SPTLC3: variants seen among roughly 807,000 people sequenced by gnomAD.
SPTLC3 encodes serine palmitoyltransferase long chain base subunit 3.
A neutral mutation model predicts 59.3 loss-of-function variants in SPTLC3; 36 were observed. The ratio of observed to expected loss-of-function variants is 0.61; its 90% CI spans 0.47 to 0.80. The LOEUF (loss-of-function observed/expected upper bound fraction) is 0.80. Among genes scored for constraint, SPTLC3 ranks in the 30% least tolerant of loss-of-function variants. The pLI, the probability that SPTLC3 is intolerant of heterozygous loss-of-function variation, is 0.00. For missense variants in SPTLC3, 625 were observed against 685.1 expected (o/e 0.91, Z 0.98); for synonymous variants, 257 against 240.8 (o/e 1.07, Z -0.62).
At chr20:13,033,652 A>ACAC (rs1986601919) in intron 1 of SPTLC3, among the ~76,000 whole-genome samples, 1 of 152,202 alleles carries the variant, frequency 6.6e-6, no homozygotes, top group Non-Finnish European at 1.5e-5. Context: ...ACACCAGACA[A>ACAC]TAGTGTTGAA....
In SPTLC3 at chr20:13,072,405, G is replaced by A. The variant is rs752900436; in HGVS notation, c.453G>A (p.Thr151=). 3.3e-5 allele frequency: 52 copies of A among 1,582,690 alleles called. No homozygotes were observed. The Admixed American group carries it at 5.9e-4, about 18-fold the overall frequency. The stretch of plus-strand genomic sequence containing the variant: ...GGGTATCAGACGACTATAACTGGAC[G>A]TTTAGGTGAGAGAACTTCTTGGAGG... ...MERVSDDYNW[T]FRFTGRVIKD... The change falls in exon 3 of 12, where the codon ACG becomes ACA. Residue 151 remains threonine (T), a synonymous_variant. Transcript: ENST00000399002.
intron 2 of SPTLC3, among the ~76,000 whole-genome samples, chr20:13,065,410 T>C (rs909525591): frequency 6.6e-6 from 1 of 151,850 alleles, no homozygotes; most frequent in Non-Finnish European, 1.5e-5. Flanking sequence ...TTTATGTACC[T>C]TTTTTCCTTC....
rs1307823077 is a variant in SPTLC3, at chr20:13,167,480, C to A, written c.*2613C>A. On this transcript the variant is annotated 3_prime_UTR_variant, in exon 12 of 12. Transcript: ENST00000399002. The stretch of plus-strand genomic sequence containing the variant: ...ACATGCACACACACATACACATATG[C>A]ATTTTTCCTTTACGGAGTAAGCAAC... The A allele has an allele frequency of 6.6e-6, 1 of 152,156 alleles. No individual in the cohort carries two copies. The highest frequency in any genetic ancestry group is 1.9e-4 in the East Asian group (1 of 5,196). 9.4% of individuals were successfully genotyped at this position (152,156 alleles called of 1,614,324 possible).
intron 6 of SPTLC3, among the ~76,000 whole-genome samples, chr20:13,101,822 G>C (rs933663929): frequency 6.6e-6 from 1 of 152,144 alleles, no homozygotes; most frequent in African/African-American, 2.4e-5. Context: ...AAGCTCCTGG[G>C]TGCCGCTGCT....
chr20:13,022,711 G>A (rs1985950613), intron 1 of SPTLC3, among the ~76,000 whole-genome samples: 1 of 152,146 alleles, frequency 6.6e-6, no homozygotes. Context: ...GGGAAGAGTA[G>A]CAAAGAATTC....
At chr20:13,160,667 C>A (rs189071254) in intron 11 of SPTLC3, among the ~76,000 whole-genome samples, 12 of 152,288 alleles carry the variant, frequency 7.9e-5, no homozygotes, top group Admixed American at 5.2e-4. Flanking sequence ...GCCATCTACT[C>A]AGTTTGGAGT....
At chr20:13,062,966 G>T (rs1460766508) in intron 2 of SPTLC3, among the ~76,000 whole-genome samples, 2 of 152,094 alleles carry the variant, frequency 1.3e-5, no homozygotes, top group African/African-American at 2.4e-5. Context: ...TGAGTCCAAG[G>T]CATGCACATT....
At chr20:13,038,556 T>C (rs1340921303) in intron 1 of SPTLC3, among the ~76,000 whole-genome samples, 1 of 152,188 alleles carries the variant, frequency 6.6e-6, no homozygotes, top group Admixed American at 6.5e-5. Context: ...GTAATTTTGC[T>C]GGTTTCTCTT....
intron 2 of SPTLC3, among the ~76,000 whole-genome samples, chr20:13,066,325 T>C (rs540333983): frequency 7.3e-4 from 111 of 152,348 alleles, no homozygotes; most frequent in African/African-American, 2.5e-3. Context: ...AAGGGTCTCC[T>C]TTCCCCATTG....
At chr20:13,059,162 T>C (rs6514361) in intron 2 of SPTLC3, among the ~76,000 whole-genome samples, 53,379 of 152,032 alleles carry the variant, frequency 0.35, 10,221 homozygotes, top group African/African-American at 0.52. Flanking sequence ...CCCTTTAATC[T>C]CAGAGTTAAA....
chr20:13,010,479 T>C (rs1040907490), intron 1 of SPTLC3, among the ~76,000 whole-genome samples: 2 of 152,116 alleles, frequency 1.3e-5, no homozygotes, highest in East Asian at 3.9e-4. Context: ...GAGTTGTGTG[T>C]AAACAGGCTG....
chr20:13,051,814 T>C (rs1179738880), intron 2 of SPTLC3, among the ~76,000 whole-genome samples: 1 of 152,078 alleles, frequency 6.6e-6, no homozygotes, highest in Non-Finnish European at 1.5e-5. Context: ...TACATGGAAA[T>C]TAAATAACCT....
At chr20:13,029,606 C>T (rs1986327425) in intron 1 of SPTLC3, among the ~76,000 whole-genome samples, 1 of 152,026 alleles carries the variant, frequency 6.6e-6, no homozygotes. Flanking sequence ...TGTTGTGGTG[C>T]CATTTTCTTA....
chr20:13,034,518 G>A (rs1188170694), intron 1 of SPTLC3, among the ~76,000 whole-genome samples: 2 of 152,036 alleles, frequency 1.3e-5, no homozygotes, highest in African/African-American at 4.8e-5. Context: ...CATAATTCTT[G>A]TGGTCTTTCT....
chr20:13,019,242 A>C lies in SPTLC3; in HGVS notation c.117+9858A>C, dbSNP rs144895569. 1.8e-3 allele frequency among the ~76,000 whole-genome samples: 268 copies of C among 152,294 alleles called. 1 individual carries two copies. The highest frequency in any genetic ancestry group is 2.4e-3 in the Non-Finnish European group (161 of 68,024). On this transcript the variant is annotated intron_variant, in intron 1 of 11. Coordinates refer to ENST00000399002, the MANE Select transcript of SPTLC3 (RefSeq NM_018327.4). ...TTTCCAACTTTTAAAAGAAGCTGGA[A>C]ATCCAAATTGAGGAAAGGAGGTCTC...
chr20:13,065,875 A>C (rs1342212578), intron 2 of SPTLC3, among the ~76,000 whole-genome samples: 1 of 64,814 alleles, frequency 1.5e-5, no homozygotes, highest in Non-Finnish European at 3.7e-5. Context: ...TCAAGCTAAT[A>C]ACATATCCAT....
chr20:13,129,961 C>T (rs374076032), intron 9 of SPTLC3, among the ~76,000 whole-genome samples: 167 of 151,936 alleles, frequency 1.1e-3, no homozygotes, highest in African/African-American at 4.0e-3. Flanking sequence ...ACAGAGAATG[C>T]TATGTGTATG....
intron 2 of SPTLC3, among the ~76,000 whole-genome samples, chr20:13,054,401 A>AAATGGATTG (rs1987630653): frequency 6.6e-6 from 1 of 152,210 alleles, no homozygotes; most frequent in Non-Finnish European, 1.5e-5. Flanking sequence ...TTGCAGAAAG[A>AAATGGATTG]CAACAGAGAG....
chr20:13,076,889 A>AT (rs1459252239), intron 4 of SPTLC3, among the ~76,000 whole-genome samples: 3 of 152,140 alleles, frequency 2.0e-5, no homozygotes, highest in Non-Finnish European at 4.4e-5. Flanking sequence ...CCGGAGGAAG[A>AT]TTGTTTGCAA....
Sources: gnomAD v4.1 joint callset for allele counts (sites outside exome capture counted in the v4.1 genomes callset) on GRCh38, gnomAD v4.1.1 for gene constraint, MANE v1.5 for transcripts, NCBI Gene and HGNC (gene_info 2026-07-23, HGNC 2026-07-21) for gene names.